The following DAZAP1 variants were observed in gnomAD, a reference collection of about 807,000 sequenced individuals.
The protein encoded by DAZAP1 is DAZ-associated protein 1.
In DAZAP1, 6 loss-of-function variants were observed where a neutral mutation model predicts 60.1. The ratio of observed to expected loss-of-function variants is 0.10; its 90% confidence interval spans 0.05 to 0.20. The LOEUF is 0.20. Ranked by LOEUF, DAZAP1 falls within the 10% of genes least tolerant of loss-of-function variation. The pLI is 1.00. For missense variants in DAZAP1, 366 were observed against 560.4 expected (o/e 0.65, Z 3.50); for synonymous variants, 235 against 215.9 (o/e 1.09, Z -0.78).
Position 1,418,037 on chromosome 19 carries a change from G to T in DAZAP1, c.71-167G>T, listed in dbSNP as rs1334853818. On this transcript the variant is annotated intron_variant, in intron 2 of 11. Coordinates refer to ENST00000233078, the MANE Select transcript of DAZAP1 (RefSeq NM_018959.4). The surrounding 1 kb of genome is among the most constrained non-coding windows in gnomAD (Gnocchi z 5.7). Reference sequence around the variant, plus strand: ...ATTTACGTGAGGACCTCAAGTGTGTGTTGGGCAGAATTCCCCAGCGCTTCC... The same window carrying T: ...ATTTACGTGAGGACCTCAAGTGTGTTTTGGGCAGAATTCCCCAGCGCTTCC... Among the ~76,000 whole-genome samples the T allele has an allele frequency of 6.6e-6, 1 of 152,200 alleles. No individual in the cohort carries two copies. The highest frequency in any genetic ancestry group is 1.9e-4 in the East Asian group (1 of 5,196).
chr19:1,430,547 G>C (rs1000571748), intron 10 of DAZAP1, among the ~76,000 whole-genome samples, 185 bp downstream of exon 10: 1 of 152,158 alleles, frequency 6.6e-6, no homozygotes. Context: ...CTGTGGCCTC[G>C]CTGGTTAGGC....
rs1228204917 is a variant in DAZAP1, at chr19:1,428,550, C to T, written c.547-292C>T. 1 of 332,752 alleles carries T rather than the reference C, an allele frequency of 3.0e-6. No individual in the cohort carries two copies. The highest frequency in any genetic ancestry group is 2.2e-5 in the African/African-American group (1 of 46,016). 20.6% of individuals were successfully genotyped at this position (332,752 alleles called of 1,614,324 possible). On this transcript the variant is annotated intron_variant, in intron 7 of 11. Coordinates refer to ENST00000233078, the MANE Select transcript of DAZAP1 (RefSeq NM_018959.4). The surrounding 1 kb of genome is among the most constrained non-coding windows in gnomAD (Gnocchi z 4.0). ...TGAGTGAAAGACCCTTCGTCACGCA[C>T]GAAACCCCCGAGGGCTCTGGGCTCG... is the stretch of plus-strand genomic sequence containing the variant.
chr19:1,414,440 G>A (rs1049594931), intron 1 of DAZAP1, among the ~76,000 whole-genome samples: 1 of 152,152 alleles, frequency 6.6e-6, no homozygotes, highest in African/African-American at 2.4e-5. Context: ...CATGAACACA[G>A]CACAGTGATC....
chr19:1,424,883 G>A (rs1477897874), intron 6 of DAZAP1, among the ~76,000 whole-genome samples: 2 of 152,134 alleles, frequency 1.3e-5, no homozygotes. Flanking sequence ...TGTGCTTTGC[G>A]GTGTCACGCT....
Position 1,434,569 on chromosome 19 carries a change from G to A in DAZAP1, c.1049-168G>A, listed in dbSNP as rs1339750476. The A allele has an allele frequency of 4.9e-6, 3 of 611,182 alleles. No individual in the cohort carries two copies. Among genetic ancestry groups the A allele is most frequent in the South Asian group, 2.0e-5 (1 of 49,586 alleles). 37.9% of individuals were successfully genotyped at this position (611,182 alleles called of 1,614,324 possible). ...TGTTTTTGAGGGAGAGAACATGCCC[G>A]GGGTCCTCTCCCCGGCCCAGGTGCT... On this transcript the variant is annotated intron_variant, in intron 11 of 11. Transcript: ENST00000233078. The surrounding 1 kb of genome is among the most constrained non-coding windows in gnomAD (Gnocchi z 8.0).
rs546738936 is a variant in DAZAP1, at chr19:1,418,133, G to A, written c.71-71G>A. On this transcript the variant is annotated intron_variant, in intron 2 of 11. Transcript: ENST00000233078. The surrounding 1 kb of genome is among the most constrained non-coding windows in gnomAD (Gnocchi z 5.7). ...GTGGACTGGAGGAGTGTGCGTGCCG[G>A]CAGCACTGCCAGGCACGTGCCTAAT... is the stretch of plus-strand genomic sequence containing the variant. 5.2e-6 allele frequency: 8 copies of A among 1,538,318 alleles called. No homozygotes were observed. The Admixed American group carries it at 8.5e-5, about 16-fold the overall frequency.
intron 1 of DAZAP1, among the ~76,000 whole-genome samples, chr19:1,412,919 G>A (rs1026450792): frequency 6.6e-6 from 1 of 152,184 alleles, no homozygotes; most frequent in African/African-American, 2.4e-5. Flanking sequence ...AGTGGAGCTC[G>A]TCCCACGCCT....
Position 1,432,253 on chromosome 19 carries a change from G to A in DAZAP1, c.872-261G>A, listed in dbSNP as rs560592691. On this transcript the variant is annotated intron_variant, in intron 10 of 11. Transcript: ENST00000233078. The surrounding 1 kb of genome is among the most constrained non-coding windows in gnomAD (Gnocchi z 4.9). ...AGTTCTTGTCTGAGGCCCACCTGGC[G>A]GCTGCTCCGTGAGGAACGAGGTGGC... The A allele has an allele frequency of 1.7e-5, 9 of 535,460 alleles. No individual in the cohort carries two copies. The highest frequency in any genetic ancestry group is 1.0e-4 in the East Asian group (3 of 30,004). 33.2% of individuals were successfully genotyped at this position (535,460 alleles called of 1,614,324 possible). A position where few individuals can be genotyped will look rare whatever the true frequency, so the allele number is the denominator to read the frequency against.
chr19:1,431,201 T>G (rs949217632), intron 10 of DAZAP1, among the ~76,000 whole-genome samples: 10 of 151,608 alleles, frequency 6.6e-5, no homozygotes, highest in Non-Finnish European at 1.2e-4. Flanking sequence ...CCATCTCGGC[T>G]TACTGCAAGC....
At position 1,423,424 on chromosome 19, in the gene DAZAP1, C is replaced by G. The variant is rs1256273847; in HGVS notation, c.463+1028C>G. 6.6e-6 allele frequency among the ~76,000 whole-genome samples: 1 copy of G among 152,206 alleles called. No individual in the cohort carries two copies. The highest frequency in any genetic ancestry group is 2.4e-5 in the African/African-American group (1 of 41,440). ...TGATTAACGATATCTCTTTAGATTTCTCTTCTCCAGGTGCTAAATTATATC... is the reference window on the plus strand; with the variant it reads ...TGATTAACGATATCTCTTTAGATTTGTCTTCTCCAGGTGCTAAATTATATC... On this transcript the variant is annotated intron_variant, in intron 6 of 11. Transcript: ENST00000233078. This position sits in a 1 kb window ranked among gnomAD's most constrained non-coding sequence, Gnocchi z 6.8.
Position 1,412,143 on chromosome 19 carries a change from A to G in DAZAP1, c.29+4341A>G, listed in dbSNP as rs1031430079. On this transcript the variant is annotated intron_variant, in intron 1 of 11. Coordinates refer to ENST00000233078, the MANE Select transcript of DAZAP1 (RefSeq NM_018959.4). ...GCATTCAGGGGCTCCTTCAGCACAC[A>G]GCAGCGCGTTCCAGTTCACGGACCG... 5.9e-5 allele frequency among the ~76,000 whole-genome samples: 9 copies of G among 152,294 alleles called. No homozygotes were observed. In the East Asian group the frequency reaches 1.5e-3, roughly 26 times the overall value.
intron 5 of DAZAP1, among the ~76,000 whole-genome samples, chr19:1,421,692 G>A (rs760561803): frequency 1.3e-5 from 2 of 152,246 alleles, no homozygotes; most frequent in Non-Finnish European, 2.9e-5. Flanking sequence ...GGAGGGGGCC[G>A]GCGGGGAGCC....
At position 1,434,711 on chromosome 19, in the gene DAZAP1, C is replaced by G; in HGVS notation, c.1049-26C>G. 6.2e-7 allele frequency: 1 copy of G among 1,608,000 alleles called. No individual in the cohort carries two copies. The highest frequency in any genetic ancestry group is 8.5e-7 in the Non-Finnish European group (1 of 1,177,796). On this transcript the variant is annotated intron_variant, in intron 11 of 11. Transcript: ENST00000233078. The surrounding 1 kb of genome is among the most constrained non-coding windows in gnomAD (Gnocchi z 8.0). ...AGTGCCAACCGCCCAGGGACCGCCC[C>G]GAGCTCACAGGACTTTCTCCCCCAG...
intron 1 of DAZAP1, among the ~76,000 whole-genome samples, chr19:1,412,738 G>A (rs1266265468): frequency 6.6e-6 from 1 of 152,202 alleles, no homozygotes; most frequent in Non-Finnish European, 1.5e-5. Flanking sequence ...CATCCAAAAC[G>A]GCTTTTGCTT....
chr19:1,429,156 C>T (rs1307268701), intron 8 of DAZAP1, among the ~76,000 whole-genome samples, 161 bp downstream of exon 8: 1 of 152,174 alleles, frequency 6.6e-6, no homozygotes, highest in Non-Finnish European at 1.5e-5. Context: ...CGGCTGACAG[C>T]CAGCTCCCGG....
intron 4 of DAZAP1, among the ~76,000 whole-genome samples, chr19:1,420,631 C>T (rs905018482): frequency 2.6e-5 from 4 of 152,114 alleles, no homozygotes; most frequent in Non-Finnish European, 5.9e-5. Context: ...CAGGAGCAGG[C>T]GCCCTTGCCA....
In DAZAP1 at chr19:1,418,069, CCCCCCA is replaced by C; in HGVS notation, c.71-128_71-123del. 1.2e-6 allele frequency: 1 copy of C among 851,484 alleles called. No homozygotes were observed. Among genetic ancestry groups the C allele is most frequent in the Non-Finnish European group, 1.8e-6 (1 of 545,710 alleles). 52.7% of individuals were successfully genotyped at this position (851,484 alleles called of 1,614,324 possible). A position where few individuals can be genotyped will look rare whatever the true frequency, so the allele number is the denominator to read the frequency against. On this transcript the variant is annotated intron_variant, in intron 2 of 11. Coordinates refer to ENST00000233078, the MANE Select transcript of DAZAP1 (RefSeq NM_018959.4). This position sits in a 1 kb window ranked among gnomAD's most constrained non-coding sequence, Gnocchi z 5.7. The stretch of plus-strand genomic sequence containing the variant: ...AGAATTCCCCAGCGCTTCCCGTACA[CCCCCCA>C]CCCCCAGTGCAGCATCGCTCGGTGC...
rs768377460 is a variant in DAZAP1 at position 1,432,720 on chromosome 19, C to T, written c.1048+30C>T. On this transcript the variant is annotated intron_variant, in intron 11 of 11. Transcript: ENST00000233078. The surrounding 1 kb of genome is among the most constrained non-coding windows in gnomAD (Gnocchi z 4.9). ...GTGGTCTCCTGCCATGCCGCGTCCC[C>T]GCTGGCCCCAGGACCCTGGGCACGG... 11 of 1,562,642 alleles carry T rather than the reference C, an allele frequency of 7.0e-6. No individual in the cohort carries two copies. Among genetic ancestry groups the T allele is most frequent in the Middle Eastern group, 1.7e-4 (1 of 5,834 alleles).
At chr19:1,413,864 A>G (rs931226488) in intron 1 of DAZAP1, among the ~76,000 whole-genome samples, 1 of 152,162 alleles carries the variant, frequency 6.6e-6, no homozygotes, top group Non-Finnish European at 1.5e-5. Flanking sequence ...CCATAATTGT[A>G]TATATAACTT....
Sources: gnomAD v4.1 joint callset for allele counts (sites outside exome capture counted in the v4.1 genomes callset) on GRCh38, gnomAD v4.1.1 for gene constraint, Gnocchi (gnomAD v3.1) non-coding constraint, MANE v1.5 for transcripts, NCBI Gene and HGNC (gene_info 2026-07-23, HGNC 2026-07-21) for gene names.